GRIK2: variants seen among roughly 807,000 people sequenced by gnomAD.
GRIK2 encodes the protein glutamate receptor ionotropic, kainate 2.
GRIK2 carries 32 observed loss-of-function variants against 100.3 expected under a neutral mutation model. That is an observed-to-expected ratio of 0.32 (90% CI 0.24 to 0.43). The LOEUF (loss-of-function observed/expected upper bound fraction) is 0.43. Ranked by LOEUF, GRIK2 falls within the 20% of genes least tolerant of loss-of-function variation. The probability of loss-of-function intolerance (pLI) is 1.00; values close to 1 mark genes in which losing one functional copy is unlikely to be tolerated. For synonymous variants in GRIK2, 417 were observed against 389.4 expected (o/e 1.07, Z -0.83); for missense variants, 843 against 1,114.9 (o/e 0.76, Z 3.47).
intron 2 of GRIK2, among the ~76,000 whole-genome samples, chr6:101,419,930 A>T (rs955941088): frequency 6.6e-6 from 1 of 152,218 alleles, no homozygotes; most frequent in African/African-American, 2.4e-5. Flanking sequence ...GATGACCCTC[A>T]AGCAGCCTTT....
At chr6:101,459,902 C>A (rs1771208618) in intron 2 of GRIK2, among the ~76,000 whole-genome samples, 1 of 151,916 alleles carries the variant, frequency 6.6e-6, no homozygotes, top group Non-Finnish European at 1.5e-5. Flanking sequence ...ATTACAGGCG[C>A]CCACCACCAC....
At chr6:101,949,667 C>T (rs2128478553) in intron 14 of GRIK2, among the ~76,000 whole-genome samples, 1 of 152,248 alleles carries the variant, frequency 6.6e-6, no homozygotes, top group East Asian at 1.9e-4. Context: ...ATCCATGTCC[C>T]TGCAAAGGAC....
At chr6:101,891,323 C>T (rs1200184572) in intron 12 of GRIK2, among the ~76,000 whole-genome samples, 1 of 151,748 alleles carries the variant, frequency 6.6e-6, no homozygotes, top group Admixed American at 6.6e-5. Context: ...TTGAGACCAT[C>T]CTGGCCAAAA....
At chr6:101,719,607 T>C (rs143957083) in intron 7 of GRIK2, among the ~76,000 whole-genome samples, 277 of 152,136 alleles carry the variant, frequency 1.8e-3, no homozygotes, top group Non-Finnish European at 3.1e-3. Flanking sequence ...GATGCACTAA[T>C]GGCACTGCTG....
intron 7 of GRIK2, among the ~76,000 whole-genome samples, chr6:101,700,687 A>C (rs894425369): frequency 6.6e-5 from 10 of 152,040 alleles, no homozygotes; most frequent in South Asian, 2.1e-4. Context: ...GTTAAGGCTG[A>C]GCGTTTAAGA....
intron 7 of GRIK2, among the ~76,000 whole-genome samples, chr6:101,724,280 T>C (rs561181265): frequency 6.6e-6 from 1 of 151,794 alleles, no homozygotes; most frequent in African/African-American, 2.4e-5. Flanking sequence ...GAGTTTACGT[T>C]ATCCCATCAC....
At chr6:101,824,293 C>T (rs753754739) in intron 10 of GRIK2, among the ~76,000 whole-genome samples, 1 of 152,036 alleles carries the variant, frequency 6.6e-6, no homozygotes, top group Non-Finnish European at 1.5e-5. Flanking sequence ...CCCCTCTTGC[C>T]CTTTCCCCTA....
At chr6:101,919,775 T>C (rs953813500) in intron 12 of GRIK2, among the ~76,000 whole-genome samples, 1 of 151,844 alleles carries the variant, frequency 6.6e-6, no homozygotes, top group Non-Finnish European at 1.5e-5. Context: ...TCAATAATAA[T>C]GGTATTAGAA....
rs770586258 is a variant in GRIK2 at position 101,682,586 on chromosome 6, C to A, written c.757C>A (p.His253Asn). 1.5e-6 allele frequency: 2 copies of A among 1,320,802 alleles called. No individual in the cohort carries two copies. The highest frequency in any genetic ancestry group is 2.2e-6 in the Non-Finnish European group (2 of 923,160). 81.8% of individuals were successfully genotyped at this position (1,320,802 alleles called of 1,614,324 possible). ...TATGGGAATGATGACAGAATACTAT[C>A]ATTATATCTTTACCACTCTGGTAAG... The part of the protein sequence containing the change: ...LAMGMMTEYY[H>N]YIFTTLDLFA... Residue 253 changes from histidine (H) to asparagine (N), a missense_variant, in exon 6 of 17, where the codon CAT becomes AAT. His to Asn is a moderately conservative substitution (Grantham distance 68). Coordinates refer to ENST00000369134, the MANE Select transcript of GRIK2 (RefSeq NM_021956.5).
intron 16 of GRIK2, among the ~76,000 whole-genome samples, chr6:102,057,112 GTTTAA>G (rs1156645065): frequency 6.6e-6 from 1 of 151,868 alleles, no homozygotes; most frequent in African/African-American, 2.4e-5. Context: ...ATCATTTCAG[GTTTAA>G]TTTGTCAGTA....
At chr6:101,471,208 C>A (rs965867299) in intron 2 of GRIK2, among the ~76,000 whole-genome samples, 5 of 151,980 alleles carry the variant, frequency 3.3e-5, no homozygotes, top group African/African-American at 1.2e-4. Context: ...TGGACAATTC[C>A]TTTATATTCT....
At chr6:101,853,962 T>C (rs1784278872) in intron 10 of GRIK2, among the ~76,000 whole-genome samples, 1 of 152,104 alleles carries the variant, frequency 6.6e-6, no homozygotes, top group South Asian at 2.1e-4. Flanking sequence ...ACAGAGAATA[T>C]TTAGGGCATT....
chr6:101,596,229 CTT>C (rs572026874), intron 2 of GRIK2, among the ~76,000 whole-genome samples: 3 of 135,986 alleles, frequency 2.2e-5, no homozygotes, highest in Middle Eastern at 3.8e-3. Context: ...TTGCTGTGTC[CTT>C]TTTTTTTTTT....
chr6:101,609,252 C>A (rs1203379685), intron 2 of GRIK2, among the ~76,000 whole-genome samples: 1 of 151,764 alleles, frequency 6.6e-6, no homozygotes, highest in Non-Finnish European at 1.5e-5. Context: ...TTTCCCTGGA[C>A]AATTTTCTAC....
intron 2 of GRIK2, among the ~76,000 whole-genome samples, chr6:101,607,957 C>T (rs1313691696): frequency 6.6e-6 from 1 of 151,704 alleles, no homozygotes; most frequent in East Asian, 2.0e-4. Context: ...GATTACCTTT[C>T]TCACGAGAAT....
rs186657386 is a variant in GRIK2, at chr6:101,660,600, C to T, written c.542-16023C>T. On this transcript the variant is annotated intron_variant, in intron 4 of 16. Coordinates refer to ENST00000369134, the MANE Select transcript of GRIK2 (RefSeq NM_021956.5). ...CATTTTTGTGCTGGTTTTTCCTTATCTTAGATGATTTATCTACCTTTGGTG... is the reference window on the plus strand; with the variant it reads ...CATTTTTGTGCTGGTTTTTCCTTATTTTAGATGATTTATCTACCTTTGGTG... Among the ~76,000 whole-genome samples, 188 of 152,250 alleles carry T rather than the reference C, an allele frequency of 1.2e-3. 2 individuals are homozygous for T. Among genetic ancestry groups the T allele is most frequent in the African/African-American group, 3.7e-3 (155 of 41,556 alleles).
At chr6:101,873,550 A>G (rs1785581517) in intron 11 of GRIK2, among the ~76,000 whole-genome samples, 1 of 152,058 alleles carries the variant, frequency 6.6e-6, no homozygotes, top group South Asian at 2.1e-4. Flanking sequence ...GTGCCACAAT[A>G]AACATACATG....
chr6:101,681,508 T>C (rs908404607), intron 5 of GRIK2, among the ~76,000 whole-genome samples: 3 of 151,610 alleles, frequency 2.0e-5, no homozygotes, highest in African/African-American at 7.3e-5. Context: ...GTCCAGGGAT[T>C]ACAGGTGTGA....
chr6:101,462,086 T>C (rs1201712346), intron 2 of GRIK2, among the ~76,000 whole-genome samples: 1 of 152,154 alleles, frequency 6.6e-6, no homozygotes, highest in African/African-American at 2.4e-5. Flanking sequence ...TCAAGTGAAA[T>C]AGAGACACTA....
Sources: gnomAD v4.1 joint callset for allele counts (sites outside exome capture counted in the v4.1 genomes callset) on GRCh38, gnomAD v4.1.1 for gene constraint, MANE v1.5 for transcripts, NCBI Gene and HGNC (gene_info 2026-07-23, HGNC 2026-07-21) for gene names.